Variants in HMGXB3 observed in about 807,000 individuals in gnomAD.
HMGXB3 encodes HMG domain-containing protein 3.
Under a neutral mutation model 121.5 loss-of-function variants are expected in HMGXB3, and 45 were observed. The ratio of observed to expected loss-of-function variants is 0.37; its 90% CI spans 0.29 to 0.47. The LOEUF (loss-of-function observed/expected upper bound fraction) is 0.47. Ranked by LOEUF, HMGXB3 falls within the 20% of genes least tolerant of loss-of-function variation. HMGXB3 has a pLI of 0.99. For synonymous variants in HMGXB3, 590 were observed against 624.1 expected, an observed-to-expected ratio of 0.95 and a Z score of 0.81; for missense variants, 1,376 against 1,602.2, an observed-to-expected ratio of 0.86 and a Z score of 2.41.
intron 3 of HMGXB3, among the ~76,000 whole-genome samples, chr5:150,009,776 G>T (rs1167898705): frequency 6.6e-6 from 1 of 152,200 alleles, no homozygotes; most frequent in African/African-American, 2.4e-5. Context: ...GGCCTCAGGA[G>T]GGGAAAGGAT....
At chr5:150,031,339 C>A (rs80065382) in intron 10 of HMGXB3, among the ~76,000 whole-genome samples, 4,302 of 152,328 alleles carry the variant, frequency 0.028, 227 homozygotes, top group African/African-American at 0.099. Flanking sequence ...CACATATTAA[C>A]GTCCTAATGG....
chr5:150,012,394 C>A, intron 5 of HMGXB3, 41 bp downstream of exon 5: 1 of 1,335,794 alleles, frequency 7.5e-7, no homozygotes, highest in South Asian at 1.3e-5. Context: ...ATTAGGGTGT[C>A]ATAAGCATTT....
Position 150,045,500 on chromosome 5 carries a change from T to A in HMGXB3, c.2765T>A (p.Val922Glu). The stretch of plus-strand genomic sequence containing the variant: ...CCTGAATTCCTGGGCTCTAATGAGG[T>A]AAATGTGGAGGACTTTTGGGCCACG... ...TWPEFLGSNE[V>E]NVEDFWATME... The change falls in exon 16 of 20, where the codon GTA becomes GAA. Residue 922 changes from valine (V) to glutamate (E), a missense_variant. Coordinates refer to ENST00000502717, the MANE Select transcript of HMGXB3 (RefSeq NM_014983.3). 1 of 1,552,266 alleles carries A rather than the reference T, an allele frequency of 6.4e-7. No homozygotes were observed. Among genetic ancestry groups the A allele is most frequent in the Non-Finnish European group, 8.7e-7 (1 of 1,147,114 alleles).
intron 6 of HMGXB3, among the ~76,000 whole-genome samples, chr5:150,022,899 C>T (rs1756135019): frequency 6.6e-6 from 1 of 151,228 alleles, no homozygotes; most frequent in African/African-American, 2.4e-5. Context: ...CAGCCTCAGC[C>T]TCCTGGGGTC....
intron 9 of HMGXB3, among the ~76,000 whole-genome samples, chr5:150,027,726 T>C (rs1342434422): frequency 6.6e-6 from 1 of 151,984 alleles, no homozygotes; most frequent in East Asian, 1.9e-4. Flanking sequence ...CTAACTTTTG[T>C]ATTGTTGGTA....
In HMGXB3 at chr5:150,002,913, C is replaced by T. The variant is rs180966406; in HGVS notation, c.-3+1734C>T. ...ATCCCAGCACTTTGGGAGGCCAAGG[C>T]AGGAGGATTGCTTGAGCCTAGGAGT... On this transcript the variant is annotated intron_variant, in intron 1 of 19. Transcript: ENST00000502717. 2.1e-3 allele frequency among the ~76,000 whole-genome samples: 312 copies of T among 152,172 alleles called. 1 individual carries two copies. The highest frequency in any genetic ancestry group is 7.2e-3 in the African/African-American group (298 of 41,510).
At chr5:150,009,807 C>G (rs1755787646) in intron 3 of HMGXB3, among the ~76,000 whole-genome samples, 1 of 152,162 alleles carries the variant, frequency 6.6e-6, no homozygotes, top group African/African-American at 2.4e-5. Flanking sequence ...CTATGCCAGA[C>G]CTCAGGTTCT....
Position 150,001,064 on chromosome 5 carries a change from T to C in HMGXB3, c.-118T>C. The stretch of plus-strand genomic sequence containing the variant: ...ACTTCCTTGTTGCTGCTGTCACGAC[T>C]GGAGCCGCCTCTCGCCGACAGCGGG... On this transcript the variant is annotated 5_prime_UTR_variant, in exon 1 of 20. Transcript: ENST00000502717. 1 of 154,332 alleles carries C rather than the reference T, an allele frequency of 6.5e-6. No homozygotes were observed. 9.6% of individuals were successfully genotyped at this position (154,332 alleles called of 1,614,324 possible). A position where few individuals can be genotyped will look rare whatever the true frequency, so the allele number is the denominator to read the frequency against.
intron 6 of HMGXB3, among the ~76,000 whole-genome samples, chr5:150,020,606 T>G (rs959424622): frequency 5.3e-5 from 8 of 152,160 alleles, no homozygotes; most frequent in African/African-American, 1.2e-4. Flanking sequence ...CTTTTTTTTT[T>G]GGGACAGAGT....
At chr5:150,028,541 G>GTGTGTGTATATATA (rs1203886454) in intron 9 of HMGXB3, among the ~76,000 whole-genome samples, 21 of 42,066 alleles carry the variant, frequency 5.0e-4, no homozygotes, top group Non-Finnish European at 1.0e-3. Flanking sequence ...GTGTGTGTGT[G>GTGTGTGTATATATA]TATATATATA....
At chr5:150,019,493 G>C (rs1055834129) in intron 6 of HMGXB3, among the ~76,000 whole-genome samples, 3 of 152,242 alleles carry the variant, frequency 2.0e-5, no homozygotes, top group African/African-American at 7.2e-5. Context: ...TGTATGCTTG[G>C]TGCGAACTAG....
chr5:150,050,709 G>C (rs1219151003), intron 19 of HMGXB3, among the ~76,000 whole-genome samples: 1 of 152,174 alleles, frequency 6.6e-6, no homozygotes, highest in East Asian at 1.9e-4. Flanking sequence ...TCAAACTCCT[G>C]GGCTCAAGCA....
At chr5:150,025,057 A>G (rs1339942376) in intron 7 of HMGXB3, among the ~76,000 whole-genome samples, 1 of 152,210 alleles carries the variant, frequency 6.6e-6, no homozygotes, top group Non-Finnish European at 1.5e-5. Flanking sequence ...AGAACTCAGT[A>G]CTGGTTCTGA....
chr5:150,011,469 A>C (rs1344239896), intron 4 of HMGXB3, among the ~76,000 whole-genome samples: 1 of 152,192 alleles, frequency 6.6e-6, no homozygotes, highest in Non-Finnish European at 1.5e-5. Context: ...TGTAGCCCTT[A>C]TGGCCTGGGC....
intron 3 of HMGXB3, among the ~76,000 whole-genome samples, chr5:150,009,026 G>C (rs1755770816): frequency 6.6e-6 from 1 of 152,120 alleles, no homozygotes; most frequent in South Asian, 2.1e-4. Context: ...CATTTTAAAA[G>C]ATACTTCTGA....
intron 11 of HMGXB3, among the ~76,000 whole-genome samples, chr5:150,032,982 G>A (rs4705408): frequency 0.84 from 127,880 of 152,174 alleles, 54,197 homozygotes; most frequent in African/African-American, 0.96. Context: ...ATGCCAACCT[G>A]AGACTTTGCA....
chr5:150,016,745 T>C (rs1755969601), intron 5 of HMGXB3, among the ~76,000 whole-genome samples: 1 of 152,230 alleles, frequency 6.6e-6, no homozygotes, highest in South Asian at 2.1e-4. Flanking sequence ...CATTTATATT[T>C]AATGTGATTA....
At position 150,028,614 on chromosome 5, in the gene HMGXB3, C is replaced by T. The variant is rs550402127; in HGVS notation, c.1734+1497C>T. ...CAAGGTCTTGCTTTGTTGCCCAGGC[C>T]GGAGTGCAGTGGTGCAATCATAGCT... On this transcript the variant is annotated intron_variant, in intron 9 of 19. Coordinates refer to ENST00000502717, the MANE Select transcript of HMGXB3 (RefSeq NM_014983.3). Among the ~76,000 whole-genome samples the T allele has an allele frequency of 6.8e-4, 96 of 140,222 alleles. No individual in the cohort carries two copies. The Middle Eastern group carries it at 0.042, about 61-fold the overall frequency. 92.0% of individuals were successfully genotyped at this position (140,222 alleles called of 152,430 possible). A position where few individuals can be genotyped will look rare whatever the true frequency, so the allele number is the denominator to read the frequency against.
At chr5:150,028,560 T>TA (rs57641340) in intron 9 of HMGXB3, among the ~76,000 whole-genome samples, 11,412 of 69,196 alleles carry the variant, frequency 0.16, 1,546 homozygotes, top group African/African-American at 0.3. Context: ...TATATATATA[T>TA]TTTTTTTTTT....
Sources: allele counts gnomAD v4.1 joint callset (sites outside exome capture counted in the v4.1 genomes callset), GRCh38; gene constraint gnomAD v4.1.1; transcripts MANE v1.5; gene names NCBI Gene and HGNC (gene_info 2026-07-23, HGNC 2026-07-21).